The following MYO9A variants were observed in gnomAD, a reference collection of about 807,000 sequenced individuals.
MYO9A encodes the protein unconventional myosin-IXa.
MYO9A carries 103 observed loss-of-function variants against 293.3 expected under a neutral mutation model. The ratio of observed to expected loss-of-function variants is 0.35; its 90% CI spans 0.30 to 0.41. The LOEUF (loss-of-function observed/expected upper bound fraction) is 0.41, where lower values mean the gene tolerates loss of function less well. Ranked by LOEUF, MYO9A falls within the 10% of genes least tolerant of loss-of-function variation. The pLI, the probability that MYO9A is intolerant of heterozygous loss-of-function variation, is 1.00. For missense variants in MYO9A, 2,685 were observed against 3,033.0 expected (o/e 0.89, Z 2.69); for synonymous variants, 1,001 against 1,035.7 (o/e 0.97, Z 0.64).
intron 1 of MYO9A, among the ~76,000 whole-genome samples, chr15:72,057,598 C>A (rs1392398227): frequency 6.6e-6 from 1 of 152,172 alleles, no homozygotes; most frequent in Non-Finnish European, 1.5e-5. Context: ...TACTCTTAGC[C>A]ACAGTGGCTG....
chr15:71,860,969 C>CAAAAAAA lies in MYO9A; in HGVS notation c.6092-1180_6092-1174dup, dbSNP rs61030744. 7.1e-4 allele frequency among the ~76,000 whole-genome samples: 23 copies of CAAAAAAA among 32,418 alleles called. 1 individual carries two copies. The highest frequency in any genetic ancestry group is 4.0e-3 in the East Asian group (4 of 1,004). 21.3% of individuals were successfully genotyped at this position (32,418 alleles called of 152,430 possible). On this transcript the variant is annotated intron_variant, in intron 33 of 41. Transcript: ENST00000356056. ...GCAACAAAGTTAGACTCCATCTCAC[C>CAAAAAAA]AAAAAAAAAAAAAAAAAAAAAAAAA...
chr15:71,873,568 A>G (rs962503883), intron 32 of MYO9A, among the ~76,000 whole-genome samples: 3 of 152,110 alleles, frequency 2.0e-5, no homozygotes, highest in Admixed American at 2.0e-4. Context: ...TATTTGTATT[A>G]TTGAAAAATC....
rs185646561 is a variant in MYO9A at position 72,106,626 on chromosome 15, G to C, written c.-72+11054C>G. Among the ~76,000 whole-genome samples, 680 of 150,536 alleles carry C rather than the reference G, an allele frequency of 4.5e-3. 7 individuals are homozygous for C. The highest frequency in any genetic ancestry group is 0.016 in the African/African-American group (667 of 40,946). On this transcript the variant is annotated intron_variant, in intron 1 of 41. Transcript: ENST00000356056. ...TTTTTTTATTTTTTTTTTGAAATAG[G>C]GTTTCACTCTGTCACCCAGGTTGGA... is the stretch of plus-strand genomic sequence containing the variant.
At position 72,045,922 on chromosome 15, in the gene MYO9A, G is replaced by A. The variant is rs897197913; in HGVS notation, c.642C>T (p.His214=). ...DNHQLGKLEP[H]IYAVADVAYH... ...AAGCTACATCAGCCACAGCATAAATGTGGGGCTCAAGTTTTCCCAGTTGGT... is the reference window on the plus strand; with the variant it reads ...AAGCTACATCAGCCACAGCATAAATATGGGGCTCAAGTTTTCCCAGTTGGT... The change falls in exon 2 of 42, where the codon CAC becomes CAT. Residue 214 remains histidine (H), a synonymous_variant. Transcript: ENST00000356056. 3 of 1,614,160 alleles carry A rather than the reference G, an allele frequency of 1.9e-6. No individual in the cohort carries two copies. The highest frequency in any genetic ancestry group is 2.5e-6 in the Non-Finnish European group (3 of 1,180,026).
intron 12 of MYO9A, among the ~76,000 whole-genome samples, chr15:71,977,457 G>T (rs950381125): frequency 6.6e-6 from 1 of 152,054 alleles, no homozygotes; most frequent in African/African-American, 2.4e-5. Context: ...GGCTGGTCTC[G>T]AACTCCTGGC....
intron 1 of MYO9A, among the ~76,000 whole-genome samples, chr15:72,053,501 C>T (rs2078632522): frequency 6.6e-6 from 1 of 152,204 alleles, no homozygotes; most frequent in South Asian, 2.1e-4. Flanking sequence ...GAGATAATGT[C>T]CTTTATAGCA....
intron 23 of MYO9A, among the ~76,000 whole-genome samples, 153 bp from the exon 24 acceptor site, chr15:71,900,159 G>A (rs1376618095): frequency 6.6e-6 from 1 of 152,180 alleles, no homozygotes; most frequent in Admixed American, 6.5e-5. Flanking sequence ...TTCTGGCCAG[G>A]TGCGGTGGCT....
At chr15:72,076,797 GGA>G (rs2079367543) in intron 1 of MYO9A, among the ~76,000 whole-genome samples, 1 of 152,042 alleles carries the variant, frequency 6.6e-6, no homozygotes, top group Non-Finnish European at 1.5e-5. Context: ...CAATATTGAA[GGA>G]GAAAAACAAG....
chr15:72,066,186 C>G (rs1019260663), intron 1 of MYO9A, among the ~76,000 whole-genome samples: 4 of 152,120 alleles, frequency 2.6e-5, no homozygotes. Flanking sequence ...TCAGGTTAAG[C>G]AGTAATAGCT....
intron 13 of MYO9A, among the ~76,000 whole-genome samples, chr15:71,965,511 C>T (rs1021477482): frequency 1.3e-5 from 2 of 152,044 alleles, no homozygotes; most frequent in Non-Finnish European, 2.9e-5. Context: ...TTTGGGAGGC[C>T]GAGGAGGGTG....
Position 71,825,536 on chromosome 15 carries a change from A to ACTT in MYO9A, c.*1041_*1043dup, listed in dbSNP as rs2054445477. 1 of 151,902 alleles carries ACTT rather than the reference A, an allele frequency of 6.6e-6. No homozygotes were observed. The highest frequency in any genetic ancestry group is 6.6e-5 in the Admixed American group (1 of 15,250). 9.4% of individuals were successfully genotyped at this position (151,902 alleles called of 1,614,324 possible). On this transcript the variant is annotated 3_prime_UTR_variant, in exon 42 of 42. Coordinates refer to ENST00000356056, the MANE Select transcript of MYO9A (RefSeq NM_006901.4). ...TTATTTTTTGGCAGCTTTCTGTAAC[A>ACTT]CTTACTTACTTATTCATGCAATATT...
chr15:71,830,316 A>G lies in MYO9A; in HGVS notation c.6838-5T>C, dbSNP rs2054670196. The G allele has an allele frequency of 6.2e-7, 1 of 1,612,978 alleles. No homozygotes were observed. The highest frequency in any genetic ancestry group is 1.3e-5 in the African/African-American group (1 of 75,010). On this transcript the variant is annotated splice_polypyrimidine_tract_variant and splice_region_variant and intron_variant, in intron 39 of 41. Coordinates refer to ENST00000356056, the MANE Select transcript of MYO9A (RefSeq NM_006901.4). ...TCGACGAATACGCCCCTTTCCCTGC[A>G]GAGAAAAATTCATGTTAGAAAGTAA... is the stretch of plus-strand genomic sequence containing the variant.
intron 4 of MYO9A, among the ~76,000 whole-genome samples, chr15:72,027,117 T>C (rs1023634642): frequency 1.3e-5 from 2 of 152,228 alleles, no homozygotes; most frequent in African/African-American, 4.8e-5. Context: ...ATAAGAGTTA[T>C]ATACCCTTAT....
intron 1 of MYO9A, among the ~76,000 whole-genome samples, chr15:72,103,729 A>G (rs1275747811): frequency 2.6e-5 from 4 of 152,258 alleles, no homozygotes; most frequent in Admixed American, 6.5e-5. Context: ...TAATATACAC[A>G]TAGTATTATT....
intron 1 of MYO9A, among the ~76,000 whole-genome samples, chr15:72,048,313 C>T (rs1322313635): frequency 4.0e-5 from 6 of 151,558 alleles, no homozygotes; most frequent in African/African-American, 1.5e-4. Flanking sequence ...GCAGGAGAAT[C>T]ACTTGAACCC....
chr15:71,971,562 C>A (rs377204517), intron 12 of MYO9A, among the ~76,000 whole-genome samples: 2 of 148,724 alleles, frequency 1.3e-5, no homozygotes, highest in Admixed American at 6.8e-5. Context: ...CCAGCCTGAG[C>A]TACAGAGCTA....
chr15:72,015,854 A>ATT (rs2077321570), intron 6 of MYO9A, among the ~76,000 whole-genome samples: 1 of 151,574 alleles, frequency 6.6e-6, no homozygotes, highest in Non-Finnish European at 1.5e-5. Flanking sequence ...CATCCAGCTA[A>ATT]TTTTTTGTAT....
rs1417668492 is a variant in MYO9A, at chr15:72,046,202, A to T, written c.362T>A (p.Leu121Gln). The T allele has an allele frequency of 6.2e-7, 1 of 1,614,134 alleles. No individual in the cohort carries two copies. Among genetic ancestry groups the T allele is most frequent in the Admixed American group, 1.7e-5 (1 of 59,994 alleles). ...NLDGSIHYGS[L>Q]QSWLRVTEER... ...TTCTGTTACCCGTAGCCATGACTGC[A>T]GGCTACCATAATGGATTGATCCATC... The change falls in exon 2 of 42, where the codon CTG becomes CAG. Residue 121 changes from leucine (L) to glutamine (Q), a missense_variant. Coordinates refer to ENST00000356056, the MANE Select transcript of MYO9A (RefSeq NM_006901.4).
At chr15:71,965,110 T>C (rs1002950676) in intron 13 of MYO9A, among the ~76,000 whole-genome samples, 4 of 151,726 alleles carry the variant, frequency 2.6e-5, no homozygotes, top group Non-Finnish European at 1.5e-5. Flanking sequence ...TAAAATATTA[T>C]AATTTTAATA....
Sources: gnomAD v4.1 joint callset for allele counts (sites outside exome capture counted in the v4.1 genomes callset) on GRCh38, gnomAD v4.1.1 for gene constraint, MANE v1.5 for transcripts, NCBI Gene and HGNC (gene_info 2026-07-23, HGNC 2026-07-21) for gene names.